FRA10AC1: variants seen among roughly 807,000 people sequenced by gnomAD.
The protein encoded by FRA10AC1 is protein FRA10AC1.
FRA10AC1 carries 43 observed loss-of-function variants against 56.5 expected under a neutral mutation model. The ratio of observed to expected loss-of-function variants is 0.76; its 90% CI spans 0.60 to 0.98. The LOEUF (loss-of-function observed/expected upper bound fraction) is 0.98. Ranked by LOEUF, FRA10AC1 falls within the 50% of genes least tolerant of loss-of-function variation. The pLI, the probability that FRA10AC1 is intolerant of heterozygous loss-of-function variation, is 0.00. For missense variants in FRA10AC1, 346 were observed against 351.8 expected (o/e 0.98, Z 0.13); for synonymous variants, 112 against 110.5 (o/e 1.01, Z -0.09).
intron 12 of FRA10AC1, 90 bp downstream of exon 12, chr10:93,676,563 T>C: frequency 2.1e-6 from 3 of 1,419,036 alleles, no homozygotes; most frequent in African/African-American, 1.5e-5. Context: ...CAAAAAATAA[T>C]TCACATCACA....
chr10:93,686,550 A>G (rs2059030851), intron 8 of FRA10AC1, among the ~76,000 whole-genome samples: 1 of 151,802 alleles, frequency 6.6e-6, no homozygotes, highest in Non-Finnish European at 1.5e-5. Flanking sequence ...TAACCCTAAG[A>G]AAAGTTAAAA....
At chr10:93,696,919 A>G (rs542809293) in intron 4 of FRA10AC1, among the ~76,000 whole-genome samples, 275 of 152,312 alleles carry the variant, frequency 1.8e-3, no homozygotes, top group African/African-American at 6.3e-3. Context: ...ACACATGGAC[A>G]CAGGGAGGGG....
chr10:93,670,293 G>C (rs778233571), intron 13 of FRA10AC1, among the ~76,000 whole-genome samples: 2 of 152,150 alleles, frequency 1.3e-5, no homozygotes, highest in Non-Finnish European at 2.9e-5. Flanking sequence ...TAACTAAGGG[G>C]AATTGGGTAA....
At chr10:93,674,794 T>C (rs943114078) in intron 12 of FRA10AC1, 3 of 152,162 alleles carry the variant, frequency 2.0e-5, no homozygotes, top group African/African-American at 7.2e-5. Context: ...CCCAAAAGAC[T>C]TTTTAAGGAT....
chr10:93,694,538 A>AC (rs1451179533), intron 5 of FRA10AC1, among the ~76,000 whole-genome samples: 1 of 151,642 alleles, frequency 6.6e-6, no homozygotes, highest in Non-Finnish European at 1.5e-5. Flanking sequence ...AGATGGTGAA[A>AC]CCCCGTCTCT....
chr10:93,702,765 C>A (rs1480063350), upstream of FRA10AC1, among the ~76,000 whole-genome samples: 1 of 151,892 alleles, frequency 6.6e-6, no homozygotes, highest in African/African-American at 2.4e-5. Context: ...TTCCCTGGGC[C>A]TCCTTCCTTT....
chr10:93,676,193 TA>T (rs1444582554), intron 12 of FRA10AC1, among the ~76,000 whole-genome samples: 1 of 152,176 alleles, frequency 6.6e-6, no homozygotes, highest in Non-Finnish European at 1.5e-5. Flanking sequence ...TTTTTAACCT[TA>T]AAAAAACTTA....
intron 1 of FRA10AC1, among the ~76,000 whole-genome samples, chr10:93,701,717 A>C (rs1159374460): frequency 1.3e-5 from 2 of 152,076 alleles, no homozygotes; most frequent in Non-Finnish European, 2.9e-5. Context: ...CAGCTGTCTT[A>C]CCACATCTGT....
Position 93,694,853 on chromosome 10 carries a change from ATACT to A in FRA10AC1, c.296+4_296+7del, listed in dbSNP as rs746472838. On this transcript the variant is annotated splice_donor_5th_base_variant and intron_variant, in intron 5 of 13. Coordinates refer to ENST00000359204, the MANE Select transcript of FRA10AC1 (RefSeq NM_145246.5). ...CATTCCCTTCTATGTAAACTTCCTG[ATACT>A]TACCCCAAACGCTTGAAGTCTTCTT... 3.3e-5 allele frequency: 51 copies of A among 1,550,816 alleles called. No homozygotes were observed. Among genetic ancestry groups the A allele is most frequent in the Middle Eastern group, 3.4e-4 (2 of 5,942 alleles).
intron 7 of FRA10AC1, among the ~76,000 whole-genome samples, chr10:93,691,306 G>A (rs1056680465): frequency 6.6e-6 from 1 of 152,046 alleles, no homozygotes; most frequent in Non-Finnish European, 1.5e-5. Context: ...CTCCCAAGTA[G>A]CTAGAACTAT....
At chr10:93,693,521 A>AC (rs2059167606) in intron 5 of FRA10AC1, among the ~76,000 whole-genome samples, 4 of 15,270 alleles carry the variant, frequency 2.6e-4, no homozygotes, top group African/African-American at 6.6e-4. Flanking sequence ...CCATATATAT[A>AC]TATATACACC....
At chr10:93,692,579 AC>A in intron 6 of FRA10AC1, 66 bp downstream of exon 6, 1 of 1,015,504 alleles carries the variant, frequency 9.8e-7, no homozygotes, top group Non-Finnish European at 1.5e-6. Flanking sequence ...TGACTAAAAA[AC>A]CACTCAGAAA....
chr10:93,693,482 G>GTATATATATATATATATATATATACACCA (rs2059159409), intron 5 of FRA10AC1, among the ~76,000 whole-genome samples: 2 of 36,280 alleles, frequency 5.5e-5, no homozygotes, highest in African/African-American at 1.2e-4. Context: ...TGGTGTGTGT[G>GTATATATATATATATATATATATACACCA]TATATATATA....
intron 5 of FRA10AC1, 116 bp downstream of exon 5, chr10:93,694,742 AAAG>A: frequency 8.7e-6 from 4 of 458,050 alleles, no homozygotes; most frequent in Non-Finnish European, 1.2e-5. Context: ...AAAAAAAAAA[AAAG>A]GCACACCGGA....
chr10:93,699,494 C>T (rs1328128641), intron 2 of FRA10AC1, among the ~76,000 whole-genome samples: 1 of 152,296 alleles, frequency 6.6e-6, no homozygotes, highest in Admixed American at 6.5e-5. Flanking sequence ...TCCACCAAGA[C>T]GTATCCTGCT....
In FRA10AC1 at chr10:93,702,434, C is replaced by T. The variant is rs2059350454; in HGVS notation, c.-60G>A. 6.0e-6 allele frequency: 1 copy of T among 167,216 alleles called. No homozygotes were observed. Among genetic ancestry groups the T allele is most frequent in the Admixed American group, 6.4e-5 (1 of 15,566 alleles). The allele number at this position is 167,216 out of a possible 1,614,324, so 10.4% of individuals were successfully genotyped here. A position where few individuals can be genotyped will look rare whatever the true frequency, so the allele number is the denominator to read the frequency against. On this transcript the variant is annotated 5_prime_UTR_variant, in exon 1 of 14. Coordinates refer to ENST00000359204, the MANE Select transcript of FRA10AC1 (RefSeq NM_145246.5). ...CCGGAGTCGTCGTTTCCTTCTTTCCCGGCAGCTGCAGCGACGACCCACGGC... is the reference window on the plus strand; with the variant it reads ...CCGGAGTCGTCGTTTCCTTCTTTCCTGGCAGCTGCAGCGACGACCCACGGC...
In FRA10AC1 at chr10:93,669,129, G is replaced by A. The variant is rs1376668041; in HGVS notation, c.*697C>T. ...CTCTTAAGTGGTAGAGGTTAAGAAGGAAGCAAGAGACAGGCAAGCAAAAAA... is the reference window on the plus strand; with the variant it reads ...CTCTTAAGTGGTAGAGGTTAAGAAGAAAGCAAGAGACAGGCAAGCAAAAAA... On this transcript the variant is annotated 3_prime_UTR_variant, in exon 14 of 14. Transcript: ENST00000359204. 6.6e-6 allele frequency: 1 copy of A among 152,154 alleles called. No individual in the cohort carries two copies. Among genetic ancestry groups the A allele is most frequent in the African/African-American group, 2.4e-5 (1 of 41,432 alleles). 9.4% of individuals were successfully genotyped at this position (152,154 alleles called of 1,614,324 possible). A position where few individuals can be genotyped will look rare whatever the true frequency, so the allele number is the denominator to read the frequency against.
chr10:93,683,974 T>A, intron 10 of FRA10AC1, 82 bp downstream of exon 10: 1 of 926,632 alleles, frequency 1.1e-6, no homozygotes, highest in Non-Finnish European at 1.7e-6. Flanking sequence ...ACCACCTAAG[T>A]CTACATTTAG....
intron 2 of FRA10AC1, among the ~76,000 whole-genome samples, chr10:93,699,824 A>C: frequency 6.6e-6 from 1 of 152,118 alleles, no homozygotes; most frequent in East Asian, 1.9e-4. Context: ...CTTTCAATAA[A>C]CCCCTTTGCA....
Sources: allele counts gnomAD v4.1 joint callset (sites outside exome capture counted in the v4.1 genomes callset), GRCh38; gene constraint gnomAD v4.1.1; transcripts MANE v1.5; gene names NCBI Gene and HGNC (gene_info 2026-07-23, HGNC 2026-07-21).